Variants in KIF9 observed in about 807,000 individuals in gnomAD.
KIF9 encodes kinesin family member 9, also known as kinesin-like protein KIF9.
In KIF9, 68 loss-of-function variants were observed where a neutral mutation model predicts 94.8. That is an observed-to-expected ratio of 0.72 (90% CI 0.59 to 0.88). The LOEUF (loss-of-function observed/expected upper bound fraction) is 0.88, where lower values mean the gene tolerates loss of function less well. Among genes scored for constraint, KIF9 ranks in the 40% least tolerant of loss-of-function variants. The pLI is 0.00. For synonymous variants in KIF9, 343 were observed against 362.1 expected (o/e 0.95, Z 0.60); for missense variants, 882 against 982.5 (o/e 0.90, Z 1.37).
chr3:47,280,665 CA>C (rs1412329898), intron 1 of KIF9, among the ~76,000 whole-genome samples: 1 of 152,242 alleles, frequency 6.6e-6, no homozygotes, highest in Non-Finnish European at 1.5e-5. Context: ...GCCTGGACAA[CA>C]GCGTGAGACT....
chr3:47,246,189 T>A lies in KIF9; in HGVS notation c.1289+8A>T. 6.2e-7 allele frequency: 1 copy of A among 1,610,874 alleles called. No individual in the cohort carries two copies. The highest frequency in any genetic ancestry group is 1.1e-5 in the South Asian group (1 of 90,732). ...TGTAGGAATGAGGTAGGGGTGGGGG[T>A]CTCTCACCTCAGAACCACCCGGAAC... On this transcript the variant is annotated splice_region_variant and intron_variant, in intron 13 of 20. Coordinates refer to ENST00000684063, the MANE Select transcript of KIF9 (RefSeq NM_182902.4).
intron 13 of KIF9, chr3:47,245,797 G>T (rs1175370899): frequency 5.9e-6 from 3 of 509,716 alleles, no homozygotes; most frequent in Middle Eastern, 5.3e-4. Flanking sequence ...GGGACCATGT[G>T]GGGTTCTGTC....
At chr3:47,241,879 TA>T (rs1699574010) in intron 16 of KIF9, among the ~76,000 whole-genome samples, 5 of 99,782 alleles carry the variant, frequency 5.0e-5, no homozygotes, top group African/African-American at 2.1e-4. Context: ...TATATATATA[TA>T]TATATTTTTT....
At chr3:47,279,789 C>T (rs963649722) in intron 1 of KIF9, among the ~76,000 whole-genome samples, 1 of 151,560 alleles carries the variant, frequency 6.6e-6, no homozygotes, top group Non-Finnish European at 1.5e-5. Flanking sequence ...GCTAATTTTT[C>T]TGTATTTTTA....
Position 47,264,435 on chromosome 3 carries a change from T to G in KIF9, c.917-85A>C, listed in dbSNP as rs1319763582. 2.8e-6 allele frequency: 3 copies of G among 1,069,268 alleles called. No homozygotes were observed. In the East Asian group the frequency reaches 7.3e-5, roughly 26 times the overall value. The allele number at this position is 1,069,268 out of a possible 1,614,324, so 66.2% of individuals were successfully genotyped here. ...TTGATGGGGTCTGTTATATACTGAA[T>G]GCTTTTTATTTGTTTTTTTGAAACA... On this transcript the variant is annotated intron_variant, in intron 8 of 20. Coordinates refer to ENST00000684063, the MANE Select transcript of KIF9 (RefSeq NM_182902.4).
intron 1 of KIF9, among the ~76,000 whole-genome samples, chr3:47,279,581 T>A (rs1702193087): frequency 6.6e-6 from 1 of 151,970 alleles, no homozygotes; most frequent in Admixed American, 6.6e-5. Flanking sequence ...CTTGCTTTTT[T>A]AAAAAGTACA....
At position 47,236,547 on chromosome 3, in the gene KIF9, AG is replaced by A. The variant is rs754328509; in HGVS notation, c.1996del (p.Leu666SerfsTer25). The A allele has an allele frequency of 1.1e-5, 17 of 1,613,926 alleles. No homozygotes were observed. The East Asian group carries it at 1.3e-4, about 13-fold the overall frequency. ...EFLLILKLKD[L>X]KKQYRSEYQD... ...GTACTCGCTGCGGTACTGCTTCTTGAGGTCTTTGAGCTTGAGGATCAGCAGG... is the reference window on the plus strand; with the variant it reads ...GTACTCGCTGCGGTACTGCTTCTTGAGTCTTTGAGCTTGAGGATCAGCAGG... On this transcript the variant is annotated frameshift_variant, in exon 18 of 21. Transcript: ENST00000684063. LOFTEE classifies it high-confidence loss of function.
chr3:47,246,220 G>T lies in KIF9; in HGVS notation c.1266C>A (p.Phe422Leu). The change falls in exon 13 of 21, where the codon TTC (phenylalanine) becomes TTA (leucine). Residue 422 changes from phenylalanine (F) to leucine (L), a missense_variant. Transcript: ENST00000684063. ...IISLRQIKEV[F>L]NQFRVVLSQQ... Reference sequence around the variant, plus strand: ...ACCTCAGAACCACCCGGAACTGGTTGAACACCTCCTTGATCTGTCTAAGGC... The same window carrying T: ...ACCTCAGAACCACCCGGAACTGGTTTAACACCTCCTTGATCTGTCTAAGGC... The T allele has an allele frequency of 6.2e-7, 1 of 1,613,744 alleles. No individual in the cohort carries two copies. The highest frequency in any genetic ancestry group is 1.1e-5 in the South Asian group (1 of 90,962).
intron 14 of KIF9, 120 bp downstream of exon 14, chr3:47,245,301 T>G (rs916391850): frequency 2.4e-5 from 19 of 801,920 alleles, no homozygotes; most frequent in Non-Finnish European, 3.5e-5. Flanking sequence ...CATTCTGGTG[T>G]TACCTTTATC....
rs201012739 is a variant in KIF9, at chr3:47,243,075, G to A, written c.1685C>T (p.Pro562Leu). Residue 562 changes from proline to leucine, a missense_variant, in exon 16 of 21, where the codon CCG becomes CTG. Transcript: ENST00000684063. ...SSIEPLPSDS[P>L]KEELRPIRPD... ...CCTAATTGGGCGTAATTCCTCCTTC[G>A]GGGAGTCTGAGGGAAGGGGCTCAAT... 28 of 1,610,614 alleles carry A rather than the reference G, an allele frequency of 1.7e-5. No homozygotes were observed. Among genetic ancestry groups the A allele is most frequent in the East Asian group, 1.3e-4 (6 of 44,800 alleles).
intron 14 of KIF9, 76 bp downstream of exon 14, chr3:47,245,345 T>C: frequency 9.2e-7 from 1 of 1,083,822 alleles, no homozygotes. Context: ...AATGCATTAA[T>C]ACTTGCTGGC....
In KIF9 at chr3:47,282,547, C is replaced by T. The variant is rs562648884; in HGVS notation, c.-58G>A. The stretch of plus-strand genomic sequence containing the variant: ...ACGCGACTGCCGCAACCGAAACCAC[C>T]TGCACTCCCCACGCGGGGCTGCCTG... On this transcript the variant is annotated 5_prime_UTR_variant, in exon 1 of 21. Transcript: ENST00000684063. 9 of 1,013,246 alleles carry T rather than the reference C, an allele frequency of 8.9e-6. No individual in the cohort carries two copies. In the South Asian group the frequency reaches 3.4e-4, roughly 38 times the overall value. The allele number at this position is 1,013,246 out of a possible 1,614,324, so 62.8% of individuals were successfully genotyped here.
chr3:47,276,466 C>T (rs1012420672), intron 2 of KIF9, among the ~76,000 whole-genome samples: 13 of 150,240 alleles, frequency 8.7e-5, no homozygotes, highest in African/African-American at 2.2e-4. Flanking sequence ...TGAGGCAGGA[C>T]GATCGCTTGA....
intron 9 of KIF9, 74 bp from the exon 10 acceptor site, chr3:47,257,634 G>T: frequency 7.6e-7 from 1 of 1,323,694 alleles, no homozygotes; most frequent in Admixed American, 1.7e-5. Context: ...CCTTCTCAGA[G>T]ACCTTGCCTG....
rs1196955988 is a variant in KIF9, at chr3:47,236,640, T to G, written c.1925-21A>C. 1.9e-6 allele frequency: 3 copies of G among 1,611,410 alleles called. No individual in the cohort carries two copies. The African/African-American group carries it at 4.0e-5, about 22-fold the overall frequency. On this transcript the variant is annotated intron_variant, in intron 17 of 20. Transcript: ENST00000684063. ...CTTGCCTGCAAGGTGATGGAAGAAG[T>G]CAGGAAATGAGGAGGTGTCCACCTG...
intron 10 of KIF9, among the ~76,000 whole-genome samples, chr3:47,253,500 T>C (rs1353609087): frequency 1.3e-5 from 2 of 151,926 alleles, no homozygotes; most frequent in South Asian, 2.1e-4. Flanking sequence ...CAGATAAATG[T>C]GAAGCTTCTG....
intron 15 of KIF9, 42 bp from the exon 16 acceptor site, chr3:47,243,287 G>A (rs1030147214): frequency 6.6e-7 from 1 of 1,523,432 alleles, no homozygotes; most frequent in Non-Finnish European, 8.9e-7. Context: ...GTCATGGACA[G>A]TGAGTTATCA....
At chr3:47,230,302 G>A (rs1698465971) in intron 20 of KIF9, among the ~76,000 whole-genome samples, 1 of 151,886 alleles carries the variant, frequency 6.6e-6, no homozygotes, top group Non-Finnish European at 1.5e-5. Context: ...AAAAGGCTGG[G>A]TGCAGTGGCT....
chr3:47,251,801 A>G (rs549718357), intron 10 of KIF9, among the ~76,000 whole-genome samples: 1 of 152,302 alleles, frequency 6.6e-6, no homozygotes, highest in East Asian at 1.9e-4. Context: ...AGTGGAGTAT[A>G]CTAAGTCTCT....
Sources: allele counts gnomAD v4.1 joint callset (sites outside exome capture counted in the v4.1 genomes callset), GRCh38; gene constraint gnomAD v4.1.1; transcripts MANE v1.5; gene names NCBI Gene and HGNC (gene_info 2026-07-23, HGNC 2026-07-21).